The following DOCK3 variants were observed in gnomAD, a reference collection of about 807,000 sequenced individuals.
DOCK3 encodes the protein dedicator of cytokinesis 3, also known as dedicator of cytokinesis protein 3.
In DOCK3, 60 loss-of-function variants were observed where a neutral mutation model predicts 265.6. The observed-to-expected ratio is 0.23, with a 90% CI of 0.18 to 0.28. The LOEUF (loss-of-function observed/expected upper bound fraction) is 0.28, where lower values mean the gene tolerates loss of function less well. Ranked by LOEUF, DOCK3 falls within the 10% of genes least tolerant of loss-of-function variation. DOCK3 has a pLI of 1.00. For synonymous variants in DOCK3, 881 were observed against 938.0 expected (o/e 0.94, Z 1.11); for missense variants, 1,981 against 2,594.3 (o/e 0.76, Z 5.14).
At chr3:51,249,448 C>G (rs2079056962) in intron 22 of DOCK3, among the ~76,000 whole-genome samples, 2 of 119,266 alleles carry the variant, frequency 1.7e-5, no homozygotes, top group Non-Finnish European at 3.6e-5. Flanking sequence ...GCCGCCCCTA[C>G]TGGGAAGTGA....
intron 1 of DOCK3, among the ~76,000 whole-genome samples, chr3:50,738,027 A>G (rs1342398515): frequency 6.6e-6 from 1 of 152,064 alleles, no homozygotes; most frequent in African/African-American, 2.4e-5. Context: ...TTCAGTCTTT[A>G]CAGGCTGGTT....
intron 1 of DOCK3, among the ~76,000 whole-genome samples, chr3:50,693,308 T>G (rs2035370541): frequency 6.6e-6 from 1 of 152,202 alleles, no homozygotes; most frequent in Non-Finnish European, 1.5e-5. Flanking sequence ...ATCTGTAGAT[T>G]GCTTTGGGCA....
At chr3:50,944,490 G>A (rs2076376969) in intron 5 of DOCK3, among the ~76,000 whole-genome samples, 1 of 152,168 alleles carries the variant, frequency 6.6e-6, no homozygotes, top group South Asian at 2.1e-4. Context: ...AAAGCACACT[G>A]GAGGTCATGC....
chr3:51,186,086 A>G (rs2087583022), intron 12 of DOCK3, among the ~76,000 whole-genome samples: 1 of 152,222 alleles, frequency 6.6e-6, no homozygotes, highest in South Asian at 2.1e-4. Flanking sequence ...GAGGGCTCAG[A>G]AGAAGACAGG....
chr3:50,891,077 G>A (rs1473260372), intron 4 of DOCK3, among the ~76,000 whole-genome samples: 1 of 152,012 alleles, frequency 6.6e-6, no homozygotes, highest in Non-Finnish European at 1.5e-5. Context: ...TAATGAGGCT[G>A]TTTTGGGGAA....
intron 12 of DOCK3, among the ~76,000 whole-genome samples, chr3:51,201,021 G>A (rs558126426): frequency 6.6e-6 from 1 of 152,134 alleles, no homozygotes; most frequent in East Asian, 1.9e-4. Flanking sequence ...GCTCCTGAGG[G>A]AAGCACTAAA....
chr3:51,275,045 A>G (rs745409896), intron 24 of DOCK3, 34 bp from the exon 25 acceptor site: 26 of 1,613,516 alleles, frequency 1.6e-5, no homozygotes, highest in South Asian at 7.7e-5. Context: ...GTTCTCCTCT[A>G]AAGTTTTCTT....
Position 51,359,928 on chromosome 3 carries a change from G to A in DOCK3, c.4885-583G>A, listed in dbSNP as rs149219939. ...CATGCTGTCACCCAGTAGGGTTTGA[G>A]ATCAGAAGTGTCTGCCCAGAAATCT... On this transcript the variant is annotated intron_variant, in intron 46 of 52. Coordinates refer to ENST00000266037, the MANE Select transcript of DOCK3 (RefSeq NM_004947.5). The surrounding 1 kb of genome is among the most constrained non-coding windows in gnomAD (Gnocchi z 4.8). 2.5e-3 allele frequency among the ~76,000 whole-genome samples: 380 copies of A among 152,278 alleles called. 3 individuals are homozygous for A. Among genetic ancestry groups the A allele is most frequent in the African/African-American group, 8.4e-3 (348 of 41,542 alleles).
At chr3:50,785,619 G>A (rs2042140675) in intron 2 of DOCK3, among the ~76,000 whole-genome samples, 1 of 152,062 alleles carries the variant, frequency 6.6e-6, no homozygotes, top group East Asian at 1.9e-4. Context: ...CACGTTTATT[G>A]ACTTGCCTAT....
At chr3:51,341,178 T>C (rs1049182264) in intron 37 of DOCK3, 59 bp from the exon 38 acceptor site, 6 of 1,507,682 alleles carry the variant, frequency 4.0e-6, no homozygotes, top group Non-Finnish European at 5.3e-6. Context: ...GACACCAGGC[T>C]GCTCCTGGGC....
intron 12 of DOCK3, among the ~76,000 whole-genome samples, chr3:51,161,848 A>G (rs761552317): frequency 3.9e-5 from 6 of 152,202 alleles, no homozygotes; most frequent in Non-Finnish European, 7.3e-5. Flanking sequence ...CACTTGTGCC[A>G]CTGGAGATCG....
chr3:50,984,015 G>A lies in DOCK3; in HGVS notation c.315+49938G>A, dbSNP rs371080768. 8.3e-4 allele frequency among the ~76,000 whole-genome samples: 126 copies of A among 152,244 alleles called. 4 individuals are homozygous for A. The South Asian group carries it at 0.023, about 28-fold the overall frequency. On this transcript the variant is annotated intron_variant, in intron 5 of 52. Coordinates refer to ENST00000266037, the MANE Select transcript of DOCK3 (RefSeq NM_004947.5). ...TCCAGCCACAGCCTCATGGAGAGCC[G>A]GCAGCCTGCCGTGCTGCAGCAGCCA...
intron 9 of DOCK3, among the ~76,000 whole-genome samples, chr3:51,099,292 A>C (rs969043803): frequency 2.2e-4 from 33 of 152,330 alleles, no homozygotes; most frequent in African/African-American, 7.7e-4. Context: ...CCTGTGGTTA[A>C]ACCTGCCTTT....
chr3:51,161,486 C>T (rs779248154), intron 12 of DOCK3, among the ~76,000 whole-genome samples: 5 of 151,806 alleles, frequency 3.3e-5, no homozygotes, highest in Non-Finnish European at 7.4e-5. Context: ...AAATAAAATG[C>T]GGAAGATTGA....
chr3:50,933,652 C>T (rs2108164987), intron 4 of DOCK3, among the ~76,000 whole-genome samples: 1 of 151,922 alleles, frequency 6.6e-6, no homozygotes, highest in African/African-American at 2.4e-5. Context: ...TTTAAAAAAA[C>T]TAATCCGAGC....
chr3:50,681,343 T>C (rs947682796), intron 1 of DOCK3, among the ~76,000 whole-genome samples: 1 of 152,196 alleles, frequency 6.6e-6, no homozygotes, highest in Non-Finnish European at 1.5e-5. Context: ...TAATTTTTAA[T>C]AGTTTGTATT....
intron 5 of DOCK3, among the ~76,000 whole-genome samples, chr3:51,035,803 T>C (rs1330248774): frequency 6.6e-6 from 1 of 152,182 alleles, no homozygotes; most frequent in Non-Finnish European, 1.5e-5. Flanking sequence ...TTCATTTCTC[T>C]AAACCCCTTG....
At chr3:51,119,574 C>G (rs959414146) in intron 9 of DOCK3, among the ~76,000 whole-genome samples, 2 of 152,132 alleles carry the variant, frequency 1.3e-5, no homozygotes, top group Non-Finnish European at 2.9e-5. Context: ...CAACATGGTT[C>G]CATTCTCCAC....
At chr3:51,273,929 T>C (rs529924237) in intron 24 of DOCK3, among the ~76,000 whole-genome samples, 1 of 152,326 alleles carries the variant, frequency 6.6e-6, no homozygotes, top group Admixed American at 6.5e-5. Context: ...ACATGTCTCC[T>C]AACCTTCCTT....
Sources: gnomAD v4.1 joint callset for allele counts (sites outside exome capture counted in the v4.1 genomes callset) on GRCh38, gnomAD v4.1.1 for gene constraint, Gnocchi (gnomAD v3.1) non-coding constraint, MANE v1.5 for transcripts, NCBI Gene and HGNC (gene_info 2026-07-23, HGNC 2026-07-21) for gene names.